Variants in PACRG observed in about 807,000 individuals in gnomAD.
PACRG encodes the protein parkin coregulated.
A neutral mutation model predicts 29.7 loss-of-function variants in PACRG; 29 were observed. The observed-to-expected ratio is 0.98, with a 90% CI of 0.73 to 1.33. The LOEUF (loss-of-function observed/expected upper bound fraction) is 1.33, where lower values mean the gene tolerates loss of function less well. Among genes scored for constraint, PACRG ranks in the 40% most tolerant of loss-of-function variants. PACRG has a pLI of 0.00. For missense variants in PACRG, 279 were observed against 316.2 expected (o/e 0.88, Z 0.89); for synonymous variants, 116 against 118.7 (o/e 0.98, Z 0.15).
At chr6:162,756,199 T>C (rs1418863319) in intron 1 of PACRG, among the ~76,000 whole-genome samples, 1 of 152,232 alleles carries the variant, frequency 6.6e-6, no homozygotes, top group Admixed American at 6.5e-5. Flanking sequence ...TGTTTCTTTA[T>C]TGATATTCTG....
chr6:163,088,301 T>C (rs1813780244), intron 3 of PACRG, among the ~76,000 whole-genome samples: 1 of 152,214 alleles, frequency 6.6e-6, no homozygotes, highest in African/African-American at 2.4e-5. Context: ...ATAAGAGCCT[T>C]TGACTTCTTC....
chr6:163,308,403 C>T (rs1252583156), intron 4 of PACRG, among the ~76,000 whole-genome samples: 5 of 152,194 alleles, frequency 3.3e-5, no homozygotes, highest in Admixed American at 3.3e-4. Context: ...TGGTGGCTCA[C>T]GCCTGTGATC....
intron 2 of PACRG, among the ~76,000 whole-genome samples, chr6:162,823,339 T>A (rs1487684841): frequency 2.0e-5 from 3 of 152,202 alleles, no homozygotes; most frequent in Non-Finnish European, 4.4e-5. Context: ...AGGAAAGTTT[T>A]CTTTTGTAAT....
chr6:162,863,746 CAG>C (rs1182497331), intron 2 of PACRG, among the ~76,000 whole-genome samples: 3 of 152,198 alleles, frequency 2.0e-5, no homozygotes, highest in Non-Finnish European at 2.9e-5. Context: ...ACCACAGACT[CAG>C]AGAGTTTACT....
chr6:163,038,279 A>G (rs1434949102), intron 2 of PACRG, among the ~76,000 whole-genome samples: 1 of 152,236 alleles, frequency 6.6e-6, no homozygotes, highest in East Asian at 1.9e-4. Flanking sequence ...AAACTGGAGA[A>G]GTACTCCAGG....
chr6:163,171,433 G>A lies in PACRG; in HGVS notation c.613+82025G>A, dbSNP rs73595516. Among the ~76,000 whole-genome samples the A allele has an allele frequency of 7.3e-3, 1,112 of 152,206 alleles. 11 individuals carry two copies. Among genetic ancestry groups the A allele is most frequent in the African/African-American group, 0.025 (1,055 of 41,536 alleles). ...ACTTATTGTATATCTTTGCCCCTCC[G>A]TGAGGCAGGTATGACTGTTCTGCCC... On this transcript the variant is annotated intron_variant, in intron 4 of 4. Transcript: ENST00000366888.
intron 2 of PACRG, among the ~76,000 whole-genome samples, chr6:163,007,934 T>C (rs1054412493): frequency 6.6e-6 from 1 of 152,128 alleles, no homozygotes; most frequent in Admixed American, 6.5e-5. Context: ...CAGCTGAGCC[T>C]TCCACTGCGT....
intron 3 of PACRG, among the ~76,000 whole-genome samples, chr6:163,081,787 AT>A (rs1813106697): frequency 6.6e-6 from 1 of 152,130 alleles, no homozygotes; most frequent in Non-Finnish European, 1.5e-5. Flanking sequence ...TAAATGCCAT[AT>A]TTTATGTTAC....
At chr6:162,837,245 A>G (rs185802307) in intron 2 of PACRG, among the ~76,000 whole-genome samples, 1 of 152,270 alleles carries the variant, frequency 6.6e-6, no homozygotes, top group African/African-American at 2.4e-5. Context: ...TCAGGCACTA[A>G]CTATTGTGAA....
chr6:163,271,672 G>C (rs1317331902), intron 4 of PACRG, among the ~76,000 whole-genome samples: 1 of 152,140 alleles, frequency 6.6e-6, no homozygotes, highest in African/African-American at 2.4e-5. Context: ...ATGTATGTTT[G>C]CCCGCATATT....
chr6:162,749,837 A>C (rs1356015215), intron 1 of PACRG, among the ~76,000 whole-genome samples: 2 of 152,200 alleles, frequency 1.3e-5, no homozygotes, highest in Non-Finnish European at 2.9e-5. Flanking sequence ...CATATTTCTT[A>C]CTGTAATAAG....
At chr6:163,253,314 A>AT (rs1782982401) in intron 4 of PACRG, among the ~76,000 whole-genome samples, 1 of 151,728 alleles carries the variant, frequency 6.6e-6, no homozygotes, top group South Asian at 2.1e-4. Flanking sequence ...AAAAAAAAAA[A>AT]AGGAAAGAAA....
At chr6:162,911,341 CT>C (rs1796288991) in intron 2 of PACRG, among the ~76,000 whole-genome samples, 1 of 152,180 alleles carries the variant, frequency 6.6e-6, no homozygotes, top group Non-Finnish European at 1.5e-5. Context: ...AGATTTTCTT[CT>C]CTTCTGAAAA....
chr6:162,863,602 T>C lies in PACRG; in HGVS notation c.291+49321T>C, dbSNP rs143075313. On this transcript the variant is annotated intron_variant, in intron 2 of 4. Coordinates refer to ENST00000366888, the MANE Select transcript of PACRG (RefSeq NM_001080379.2). ...ACCCAAGTTTAAACTTGAAACCACA[T>C]TTGTGCAATAAGCAAAAGCTTCACA... is the stretch of plus-strand genomic sequence containing the variant. Among the ~76,000 whole-genome samples, 218 of 152,338 alleles carry C rather than the reference T, an allele frequency of 1.4e-3. 6 individuals are homozygous for C. In the East Asian group the frequency reaches 0.038, roughly 27 times the overall value.
intron 4 of PACRG, among the ~76,000 whole-genome samples, chr6:163,164,306 G>T (rs1371807151): frequency 6.6e-6 from 1 of 152,162 alleles, no homozygotes; most frequent in Non-Finnish European, 1.5e-5. Flanking sequence ...AGCCTTTTCA[G>T]CTTCCATTTG....
At chr6:163,292,811 A>G (rs7755819) in intron 4 of PACRG, among the ~76,000 whole-genome samples, 21,592 of 152,120 alleles carry the variant, frequency 0.14, 2,992 homozygotes, top group African/African-American at 0.36. Flanking sequence ...TAATAATATT[A>G]AGTAATCTAA....
intron 2 of PACRG, among the ~76,000 whole-genome samples, chr6:163,004,735 T>TACACAC (rs752824819): frequency 9.7e-4 from 134 of 138,064 alleles, no homozygotes; most frequent in African/African-American, 3.9e-3. Flanking sequence ...TGTATATATA[T>TACACAC]ATACACACAC....
chr6:162,923,996 T>C lies in PACRG; in HGVS notation c.291+109715T>C, dbSNP rs370691196. Among the ~76,000 whole-genome samples, 16 of 152,230 alleles carry C rather than the reference T, an allele frequency of 1.1e-4. No homozygotes were observed. In the East Asian group the frequency reaches 2.9e-3, roughly 28 times the overall value. On this transcript the variant is annotated intron_variant, in intron 2 of 4. Transcript: ENST00000366888. The stretch of plus-strand genomic sequence containing the variant: ...TGTATGATCATTTTTACAACATGAA[T>C]TCATCCCATTCATAAGCATGAGATA...
intron 2 of PACRG, among the ~76,000 whole-genome samples, chr6:162,936,122 C>T (rs1169748869): frequency 6.6e-6 from 1 of 152,142 alleles, no homozygotes; most frequent in Non-Finnish European, 1.5e-5. Flanking sequence ...GAGAGTCAAG[C>T]TAAAGGGGTT....
Sources: allele counts gnomAD v4.1 joint callset (sites outside exome capture counted in the v4.1 genomes callset), GRCh38; gene constraint gnomAD v4.1.1; transcripts MANE v1.5; gene names NCBI Gene and HGNC (gene_info 2026-07-23, HGNC 2026-07-21).